Variants in COL24A1 observed in about 807,000 individuals in gnomAD.
COL24A1 encodes the protein collagen type XXIV alpha 1 chain, also known as collagen alpha-1(XXIV) chain.
A neutral mutation model predicts 253.9 loss-of-function variants in COL24A1; 224 were observed. That is an observed-to-expected ratio of 0.88 (90% CI 0.79 to 0.99). COL24A1 has a LOEUF of 0.99. Among genes scored for constraint, COL24A1 ranks in the 50% least tolerant of loss-of-function variants. COL24A1 has a pLI of 0.00. For synonymous variants in COL24A1, 685 were observed against 673.7 expected (o/e 1.02, Z -0.26); for missense variants, 2,131 against 2,068.5 (o/e 1.03, Z -0.59).
At chr1:85,895,206 CTTG>C (rs1683555499) in intron 31 of COL24A1, among the ~76,000 whole-genome samples, 1 of 151,868 alleles carries the variant, frequency 6.6e-6, no homozygotes, top group Non-Finnish European at 1.5e-5. Flanking sequence ...AACCATAGAA[CTTG>C]TTGCCTCTCA....
chr1:85,988,915 G>T (rs1693978461), intron 19 of COL24A1, among the ~76,000 whole-genome samples: 1 of 152,078 alleles, frequency 6.6e-6, no homozygotes, highest in African/African-American at 2.4e-5. Flanking sequence ...ACAGAAAGAT[G>T]ATCACAAGAT....
chr1:86,006,078 G>T (rs991291233), intron 19 of COL24A1, among the ~76,000 whole-genome samples: 3 of 152,094 alleles, frequency 2.0e-5, no homozygotes, highest in Non-Finnish European at 4.4e-5. Context: ...TAAAAAAGAA[G>T]TAAATTCTTC....
At chr1:86,100,440 C>G (rs1032260571) in intron 5 of COL24A1, among the ~76,000 whole-genome samples, 13 of 151,946 alleles carry the variant, frequency 8.6e-5, no homozygotes, top group African/African-American at 3.1e-4. Flanking sequence ...CTTCTATTTA[C>G]CATTTTTTAA....
chr1:85,996,345 C>A (rs1051195426), intron 19 of COL24A1, among the ~76,000 whole-genome samples: 13 of 152,196 alleles, frequency 8.5e-5, no homozygotes, highest in African/African-American at 3.1e-4. Context: ...TACTCAATAT[C>A]TATATATCTG....
At chr1:85,800,249 C>A (rs940810584) in intron 47 of COL24A1, among the ~76,000 whole-genome samples, 2 of 152,150 alleles carry the variant, frequency 1.3e-5, no homozygotes, top group Non-Finnish European at 2.9e-5. Flanking sequence ...AATTTATTCT[C>A]TGGTCATTGC....
chr1:85,850,834 G>C (rs1337446443), intron 37 of COL24A1, among the ~76,000 whole-genome samples: 13 of 152,010 alleles, frequency 8.6e-5, no homozygotes, highest in Non-Finnish European at 1.6e-4. Context: ...ATGATGAAGA[G>C]CTCAAAATAT....
At chr1:85,812,245 C>CA (rs1165408200) in intron 47 of COL24A1, among the ~76,000 whole-genome samples, 6 of 152,328 alleles carry the variant, frequency 3.9e-5, no homozygotes, top group African/African-American at 1.4e-4. Context: ...AAAGCACAGA[C>CA]AAAATGTGTA....
chr1:86,016,294 G>A (rs1696985488), intron 19 of COL24A1, among the ~76,000 whole-genome samples: 1 of 152,170 alleles, frequency 6.6e-6, no homozygotes, highest in Admixed American at 6.5e-5. Flanking sequence ...AGATCTTATG[G>A]TTTACAAAGA....
chr1:85,803,672 A>G (rs1671673120), intron 47 of COL24A1, among the ~76,000 whole-genome samples: 1 of 151,680 alleles, frequency 6.6e-6, no homozygotes, highest in Admixed American at 6.6e-5. Context: ...TCCATTTCTG[A>G]TTGTTAATTG....
At chr1:85,786,900 A>G (rs994875385) in intron 47 of COL24A1, among the ~76,000 whole-genome samples, 1 of 152,254 alleles carries the variant, frequency 6.6e-6, no homozygotes, top group Non-Finnish European at 1.5e-5. Flanking sequence ...TTAACTGGAA[A>G]TAAAGTTAAG....
intron 24 of COL24A1, among the ~76,000 whole-genome samples, chr1:85,913,007 T>C (rs547396526): frequency 6.6e-6 from 1 of 152,344 alleles, no homozygotes; most frequent in East Asian, 1.9e-4. Context: ...AAATTATATA[T>C]GTGGCTTATA....
chr1:86,022,469 A>T, intron 17 of COL24A1, 69 bp downstream of exon 17: 1 of 1,406,256 alleles, frequency 7.1e-7, no homozygotes, highest in African/African-American at 1.4e-5. Context: ...TGGATAAAAT[A>T]ATAAGCAGTT....
At chr1:86,119,322 T>C (rs1413602472) in intron 3 of COL24A1, among the ~76,000 whole-genome samples, 1 of 142,822 alleles carries the variant, frequency 7.0e-6, no homozygotes, top group Non-Finnish European at 1.6e-5. Context: ...CTTGGATACA[T>C]ATTAGTCTTG....
chr1:85,992,672 A>G (rs1166444369), intron 19 of COL24A1, among the ~76,000 whole-genome samples: 3 of 152,210 alleles, frequency 2.0e-5, no homozygotes, highest in Admixed American at 6.5e-5. Flanking sequence ...ACGATACAGG[A>G]AGAAAAGTAA....
At chr1:86,050,072 A>G (rs1001853408) in intron 11 of COL24A1, 52 bp downstream of exon 11, 1 of 1,509,960 alleles carries the variant, frequency 6.6e-7, no homozygotes, top group African/African-American at 1.4e-5. Context: ...CCCATTGTAC[A>G]TTATCACAAG....
intron 37 of COL24A1, among the ~76,000 whole-genome samples, chr1:85,861,615 C>T (rs951823829): frequency 6.6e-6 from 1 of 152,076 alleles, no homozygotes; most frequent in Non-Finnish European, 1.5e-5. Context: ...TGTGGTTATC[C>T]AGTTGTTCCA....
Position 85,874,598 on chromosome 1 carries a change from C to T in COL24A1, c.3138+51G>A, listed in dbSNP as rs374378620. On this transcript the variant is annotated intron_variant, in intron 35 of 59. Coordinates refer to ENST00000370571, the MANE Select transcript of COL24A1 (RefSeq NM_152890.7). ...GTGTTTCGAATAATAAGTTTTGAGC[C>T]TCTGAAAGAAGTGGGTTAGTGTATT... is the stretch of plus-strand genomic sequence containing the variant. 2.0e-5 allele frequency: 31 copies of T among 1,514,738 alleles called. No individual in the cohort carries two copies. In the Middle Eastern group the frequency reaches 6.6e-4, roughly 32 times the overall value. 93.8% of individuals were successfully genotyped at this position (1,514,738 alleles called of 1,614,324 possible).
chr1:86,125,915 T>G lies in COL24A1; in HGVS notation c.421A>C (p.Lys141Gln). ...TTTCCTCTAATGTGTACTACTAATT[T>G]TTTAGGTAGTAATTGTACTCCTAAT... ...LQLGVQLLPK[K>Q]LVVHIRGKQP... Residue 141 changes from lysine to glutamine, a missense_variant, in exon 3 of 60, where the codon AAA becomes CAA. Coordinates refer to ENST00000370571, the MANE Select transcript of COL24A1 (RefSeq NM_152890.7). 5.0e-6 allele frequency: 8 copies of G among 1,613,226 alleles called. No homozygotes were observed. Among genetic ancestry groups the G allele is most frequent in the Non-Finnish European group, 6.8e-6 (8 of 1,179,564 alleles).
intron 53 of COL24A1, among the ~76,000 whole-genome samples, chr1:85,771,993 C>T (rs570564122): frequency 3.4e-4 from 48 of 140,490 alleles, no homozygotes; most frequent in Admixed American, 6.7e-4. Flanking sequence ...TATTCCCCTT[C>T]CTGTGTCCAT....
Sources: allele counts gnomAD v4.1 joint callset (sites outside exome capture counted in the v4.1 genomes callset), GRCh38; gene constraint gnomAD v4.1.1; transcripts MANE v1.5; gene names NCBI Gene and HGNC (gene_info 2026-07-23, HGNC 2026-07-21).